The following IRAK2 variants were observed in gnomAD, a reference collection of about 807,000 sequenced individuals.
IRAK2 encodes interleukin 1 receptor associated kinase 2, also known as interleukin-1 receptor-associated kinase-like 2.
In IRAK2, 57 loss-of-function variants were observed where a neutral mutation model predicts 72.0. The ratio of observed to expected loss-of-function variants is 0.79; its 90% CI spans 0.64 to 0.99. The LOEUF (loss-of-function observed/expected upper bound fraction) is 0.99. Ranked by LOEUF, IRAK2 falls within the 50% of genes least tolerant of loss-of-function variation. The pLI is 0.00. For missense variants in IRAK2, 790 were observed against 794.4 expected, an observed-to-expected ratio of 0.99 and a Z score of 0.07; for synonymous variants, 293 against 312.7, an observed-to-expected ratio of 0.94 and a Z score of 0.67.
intron 10 of IRAK2, among the ~76,000 whole-genome samples, chr3:10,234,035 A>G (rs1234961743): frequency 6.6e-6 from 1 of 151,850 alleles, no homozygotes; most frequent in Non-Finnish European, 1.5e-5. Context: ...GCTAATTTTT[A>G]TATTTCTAGT....
chr3:10,239,928 CCT>C (rs1698026276), intron 12 of IRAK2, among the ~76,000 whole-genome samples: 1 of 151,496 alleles, frequency 6.6e-6, no homozygotes, highest in African/African-American at 2.4e-5. Flanking sequence ...GGGCAGATCA[CCT>C]GAGGTCAGGA....
At chr3:10,220,313 G>A (rs1697668182) in intron 8 of IRAK2, among the ~76,000 whole-genome samples, 1 of 152,206 alleles carries the variant, frequency 6.6e-6, no homozygotes, top group South Asian at 2.1e-4. Flanking sequence ...GAGACGGTTA[G>A]GATAGGGAGG....
intron 1 of IRAK2, among the ~76,000 whole-genome samples, chr3:10,176,187 T>C (rs901416112): frequency 4.0e-5 from 6 of 151,614 alleles, no homozygotes; most frequent in African/African-American, 9.7e-5. Flanking sequence ...TGTCCCATAC[T>C]TCAGAATTGG....
chr3:10,216,872 A>G, intron 6 of IRAK2, 62 bp from the exon 7 acceptor site: 1 of 1,245,584 alleles, frequency 8.0e-7, no homozygotes, highest in Non-Finnish European at 1.2e-6. Flanking sequence ...GGGGTGGGAC[A>G]TGAGGAAGTA....
At chr3:10,193,465 A>G (rs1483866765) in intron 2 of IRAK2, among the ~76,000 whole-genome samples, 4 of 151,772 alleles carry the variant, frequency 2.6e-5, no homozygotes, top group African/African-American at 9.7e-5. Context: ...AACAAAAACA[A>G]AAACAAAATT....
chr3:10,171,769 C>CG (rs1553622348), intron 1 of IRAK2, among the ~76,000 whole-genome samples: 1 of 138,072 alleles, frequency 7.2e-6, no homozygotes, highest in Non-Finnish European at 1.6e-5. Context: ...TGCACCCAGC[C>CG]TTTTTTTTTT....
At chr3:10,232,020 G>A (rs979440835) in intron 10 of IRAK2, among the ~76,000 whole-genome samples, 7 of 152,230 alleles carry the variant, frequency 4.6e-5, no homozygotes, top group South Asian at 2.1e-4. Context: ...CCAGCTACTC[G>A]GGAGGCTGAG....
intron 1 of IRAK2, among the ~76,000 whole-genome samples, chr3:10,175,633 T>G (rs1364727426): frequency 6.6e-6 from 1 of 151,994 alleles, no homozygotes; most frequent in African/African-American, 2.4e-5. Flanking sequence ...CTCACGCCTG[T>G]AATCCCAGTA....
chr3:10,172,927 C>T (rs1432404121), intron 1 of IRAK2, among the ~76,000 whole-genome samples: 1 of 151,272 alleles, frequency 6.6e-6, no homozygotes, highest in Non-Finnish European at 1.5e-5. Flanking sequence ...TATCCGCTTG[C>T]CTTGGCCTCC....
intron 3 of IRAK2, 104 bp downstream of exon 3, chr3:10,200,619 C>A: frequency 1.0e-6 from 1 of 999,528 alleles, no homozygotes; most frequent in South Asian, 2.2e-5. Flanking sequence ...AAAATTGAGG[C>A]TGAGCATGGT....
At chr3:10,214,965 A>G (rs1697580120) in intron 6 of IRAK2, among the ~76,000 whole-genome samples, 1 of 151,926 alleles carries the variant, frequency 6.6e-6, no homozygotes, top group Non-Finnish European at 1.5e-5. Context: ...GTGGTGGTGT[A>G]TGCCTGCAGT....
intron 1 of IRAK2, among the ~76,000 whole-genome samples, chr3:10,169,685 G>A (rs1028315810): frequency 6.6e-6 from 1 of 152,014 alleles, no homozygotes; most frequent in Non-Finnish European, 1.5e-5. Context: ...AAACACCCAC[G>A]TTTTACAATC....
intron 11 of IRAK2, among the ~76,000 whole-genome samples, chr3:10,238,399 A>G (rs779947222): frequency 1.3e-5 from 2 of 152,064 alleles, no homozygotes; most frequent in Non-Finnish European, 2.9e-5. Flanking sequence ...ACCACTAGAG[A>G]GGAAAGGCTG....
In IRAK2 at chr3:10,187,035, G is replaced by A. The variant is rs572471340; in HGVS notation, c.277+9015G>A. Among the ~76,000 whole-genome samples, 41 of 149,152 alleles carry A rather than the reference G, an allele frequency of 2.7e-4. 2 individuals are homozygous for A. The highest frequency in any genetic ancestry group is 9.8e-4 in the African/African-American group (39 of 39,794). Reference sequence around the variant, plus strand: ...CTTAGTGGCTGAGCATCCCTAATTCGAAAATCCAGTATCTGAAGTGCATTT... The same window carrying A: ...CTTAGTGGCTGAGCATCCCTAATTCAAAAATCCAGTATCTGAAGTGCATTT... On this transcript the variant is annotated intron_variant, in intron 2 of 12. Transcript: ENST00000256458.
chr3:10,213,989 C>T (rs1697563105), intron 6 of IRAK2, among the ~76,000 whole-genome samples: 1 of 150,792 alleles, frequency 6.6e-6, no homozygotes, highest in African/African-American at 2.4e-5. Flanking sequence ...AGTGCAGTGG[C>T]GTGATCTCGG....
intron 2 of IRAK2, among the ~76,000 whole-genome samples, chr3:10,185,047 G>A (rs971663556): frequency 2.6e-5 from 4 of 151,066 alleles, no homozygotes; most frequent in Non-Finnish European, 4.4e-5. Flanking sequence ...CCATTCCCAG[G>A]TAAAGGAGTA....
intron 12 of IRAK2, among the ~76,000 whole-genome samples, chr3:10,239,322 C>G (rs552215328): frequency 2.1e-3 from 319 of 152,278 alleles, no homozygotes; most frequent in African/African-American, 7.2e-3. Context: ...AGCTCCTGTC[C>G]TCAGGGGACT....
chr3:10,209,455 G>A (rs1697484771), intron 3 of IRAK2, 134 bp from the exon 4 acceptor site: 7 of 527,130 alleles, frequency 1.3e-5, no homozygotes. Context: ...TTGGCACATG[G>A]TGGGTGTCAG....
intron 3 of IRAK2, among the ~76,000 whole-genome samples, chr3:10,207,053 A>G (rs1276658144): frequency 6.6e-6 from 1 of 151,850 alleles, no homozygotes; most frequent in African/African-American, 2.4e-5. Flanking sequence ...GGGTTTTACC[A>G]TGTTGGCCAG....
Sources: allele counts gnomAD v4.1 joint callset (sites outside exome capture counted in the v4.1 genomes callset), GRCh38; gene constraint gnomAD v4.1.1; transcripts MANE v1.5; gene names NCBI Gene and HGNC (gene_info 2026-07-23, HGNC 2026-07-21).